Variants in XYLT1 observed in about 807,000 individuals in gnomAD.
The protein encoded by XYLT1 is beta-D-xylosyltransferase 1.
XYLT1 carries 36 observed loss-of-function variants against 91.3 expected under a neutral mutation model. That is an observed-to-expected ratio of 0.39 (90% CI 0.30 to 0.52). XYLT1 has a LOEUF of 0.52. XYLT1 is among the 20% of genes least tolerant of loss of function. XYLT1 has a pLI of 0.68. For missense variants in XYLT1, 1,242 were observed against 1,284.5 expected (o/e 0.97, Z 0.51); for synonymous variants, 588 against 532.0 (o/e 1.11, Z -1.45).
At chr16:17,337,783 T>TTC (rs1555498513) in intron 2 of XYLT1, among the ~76,000 whole-genome samples, 2 of 143,672 alleles carry the variant, frequency 1.4e-5, no homozygotes, top group Non-Finnish European at 3.1e-5. Context: ...TTCTTTTTCT[T>TTC]TTTTTTTTTT....
intron 1 of XYLT1, among the ~76,000 whole-genome samples, chr16:17,425,045 A>G (rs2036298322): frequency 6.6e-6 from 1 of 152,038 alleles, no homozygotes; most frequent in South Asian, 2.1e-4. Context: ...CAGCCTCATT[A>G]GGGTTTGGCC....
chr16:17,134,407 A>G (rs756320787), intron 9 of XYLT1, 66 bp downstream of exon 9: 9 of 1,584,944 alleles, frequency 5.7e-6, no homozygotes, highest in Non-Finnish European at 7.7e-6. Context: ...AAGGACCCCC[A>G]CTCTGTACCC....
chr16:17,305,330 G>A lies in XYLT1; in HGVS notation c.403-45832C>T, dbSNP rs546185365. Among the ~76,000 whole-genome samples the A allele has an allele frequency of 2.6e-4, 40 of 152,054 alleles. No individual in the cohort carries two copies. The South Asian group carries it at 2.9e-3, about 11-fold the overall frequency. ...AACAAAATGTCCTCTGGATAAGAGC[G>A]AACAGCAGAATGGAGTTTGTGTGTA... On this transcript the variant is annotated intron_variant, in intron 2 of 11. Transcript: ENST00000261381.
chr16:17,272,168 T>G (rs1460831679), intron 2 of XYLT1, among the ~76,000 whole-genome samples: 7 of 140,516 alleles, frequency 5.0e-5, no homozygotes. Context: ...TTTTTTTTTT[T>G]TTTTTTTTTT....
intron 2 of XYLT1, among the ~76,000 whole-genome samples, chr16:17,348,640 T>C (rs1714783172): frequency 6.6e-6 from 1 of 152,156 alleles, no homozygotes; most frequent in South Asian, 2.1e-4. Context: ...ATAGAAAACA[T>C]GCAATCACCC....
At chr16:17,290,962 A>C (rs2141797885) in intron 2 of XYLT1, among the ~76,000 whole-genome samples, 1 of 152,266 alleles carries the variant, frequency 6.6e-6, no homozygotes, top group Middle Eastern at 3.4e-3. Flanking sequence ...TTTTTGAGAC[A>C]CGGTCTCTGT....
chr16:17,451,696 G>A (rs142102099), intron 1 of XYLT1, among the ~76,000 whole-genome samples: 148 of 152,234 alleles, frequency 9.7e-4, no homozygotes, highest in South Asian at 6.6e-3. Flanking sequence ...CAACAAGGTC[G>A]GCTTCCCATT....
In XYLT1 at chr16:17,218,314, C is replaced by T. The variant is rs557959797; in HGVS notation, c.914-17660G>A. ...CAACAACAAGAACAACAAAACAAAGCGAAAAAGCAAACTCAGGGGTGGGGA... is the reference window on the plus strand; with the variant it reads ...CAACAACAAGAACAACAAAACAAAGTGAAAAAGCAAACTCAGGGGTGGGGA... On this transcript the variant is annotated intron_variant, in intron 3 of 11. Transcript: ENST00000261381. Among the ~76,000 whole-genome samples, 18 of 150,738 alleles carry T rather than the reference C, an allele frequency of 1.2e-4. No individual in the cohort carries two copies. In the South Asian group the frequency reaches 2.9e-3, roughly 25 times the overall value.
intron 2 of XYLT1, among the ~76,000 whole-genome samples, chr16:17,345,188 T>G (rs2035127365): frequency 6.6e-6 from 1 of 152,216 alleles, no homozygotes; most frequent in African/African-American, 2.4e-5. Flanking sequence ...AGTTCTGGGC[T>G]TCACTCATGT....
chr16:17,451,601 T>C (rs2036666690), intron 1 of XYLT1, among the ~76,000 whole-genome samples: 1 of 152,238 alleles, frequency 6.6e-6, no homozygotes, highest in African/African-American at 2.4e-5. Flanking sequence ...CTGTAAAGCA[T>C]GCACTCATAG....
intron 2 of XYLT1, among the ~76,000 whole-genome samples, chr16:17,337,958 G>T (rs891047653): frequency 6.6e-6 from 1 of 151,834 alleles, no homozygotes; most frequent in Non-Finnish European, 1.5e-5. Context: ...TGTATTTTTA[G>T]TAGAAACGGG....
chr16:17,141,168 G>T lies in XYLT1; in HGVS notation c.1572C>A (p.Thr524=). 1.2e-6 allele frequency: 2 copies of T among 1,614,138 alleles called. No individual in the cohort carries two copies. Among genetic ancestry groups the T allele is most frequent in the Non-Finnish European group, 1.7e-6 (2 of 1,179,974 alleles). The change falls in exon 7 of 12, where the codon ACC becomes ACA. Residue 524 remains threonine, a synonymous_variant. Transcript: ENST00000261381. ...AGATACTCACCTCAGCAGGAAGCAGGGTGTAGGAGTAGAACTGTTTCATCT... is the reference window on the plus strand; with the variant it reads ...AGATACTCACCTCAGCAGGAAGCAGTGTGTAGGAGTAGAACTGTTTCATCT... ...VTKMKQFYSY[T]LLPAESFFHT... is the part of the protein sequence containing the mutation.
intron 3 of XYLT1, among the ~76,000 whole-genome samples, chr16:17,215,055 T>C (rs529686734): frequency 6.6e-6 from 1 of 152,264 alleles, no homozygotes; most frequent in Non-Finnish European, 1.5e-5. Flanking sequence ...AAGGAGGTGA[T>C]TAAAGTTAAA....
intron 5 of XYLT1, among the ~76,000 whole-genome samples, chr16:17,197,014 AATATATAT>A (rs536988187): frequency 9.0e-6 from 1 of 110,510 alleles, no homozygotes; most frequent in Non-Finnish European, 1.7e-5. Flanking sequence ...CTGTCTCCAA[AATATATAT>A]ATATATATAG....
intron 2 of XYLT1, among the ~76,000 whole-genome samples, chr16:17,318,028 A>T (rs1293079291): frequency 1.3e-5 from 2 of 152,216 alleles, no homozygotes; most frequent in African/African-American, 4.8e-5. Context: ...CCATTATCAC[A>T]GCACCTTTTC....
At chr16:17,357,101 C>T (rs576376185) in intron 2 of XYLT1, among the ~76,000 whole-genome samples, 98 of 133,010 alleles carry the variant, frequency 7.4e-4, no homozygotes, top group African/African-American at 2.3e-3. Flanking sequence ...GGCGTGAACC[C>T]GGGAGGCAGA....
chr16:17,208,142 A>T (rs1348073232), intron 3 of XYLT1, among the ~76,000 whole-genome samples: 1 of 151,956 alleles, frequency 6.6e-6, no homozygotes. Context: ...GACCACCACC[A>T]TGTGGGCTAA....
In XYLT1 at chr16:17,221,893, C is replaced by T. The variant is rs570613688; in HGVS notation, c.914-21239G>A. The stretch of plus-strand genomic sequence containing the variant: ...CAAAATCGCAGTGGCTTGAACCCAA[C>T]AAAGGCTTATTTCCTGCTCCTATGC... On this transcript the variant is annotated intron_variant, in intron 3 of 11. Transcript: ENST00000261381. Among the ~76,000 whole-genome samples the T allele has an allele frequency of 7.6e-4, 116 of 152,326 alleles. 1 individual carries two copies. The highest frequency in any genetic ancestry group is 2.6e-3 in the African/African-American group (109 of 41,574).
At chr16:17,454,477 A>G (rs2036709139) in intron 1 of XYLT1, among the ~76,000 whole-genome samples, 1 of 152,064 alleles carries the variant, frequency 6.6e-6, no homozygotes, top group African/African-American at 2.4e-5. Flanking sequence ...AAGCGGCCAT[A>G]GCTGATATAT....
Sources: allele counts gnomAD v4.1 joint callset (sites outside exome capture counted in the v4.1 genomes callset), GRCh38; gene constraint gnomAD v4.1.1; transcripts MANE v1.5; gene names NCBI Gene and HGNC (gene_info 2026-07-23, HGNC 2026-07-21).